The following ZFHX3 variants were observed in gnomAD, a reference collection of about 807,000 sequenced individuals.
ZFHX3 encodes the protein zinc finger homeobox protein 3.
A neutral mutation model predicts 279.1 loss-of-function variants in ZFHX3; 42 were observed. The observed-to-expected ratio is 0.15, with a 90% CI of 0.12 to 0.19. ZFHX3 has a LOEUF of 0.19. Among genes scored for constraint, ZFHX3 ranks in the 10% least tolerant of loss-of-function variants. ZFHX3 has a pLI of 1.00. For missense variants in ZFHX3, 4,981 were observed against 4,754.0 expected (o/e 1.05, Z -1.40); for synonymous variants, 2,293 against 1,957.8 (o/e 1.17, Z -4.52).
chr16:72,900,400 G>A (rs769049632), intron 3 of ZFHX3, among the ~76,000 whole-genome samples: 35 of 152,292 alleles, frequency 2.3e-4, no homozygotes, highest in South Asian at 8.3e-4. Context: ...TGGTCAAAAC[G>A]GGTGTGCTAC....
At chr16:73,572,693 G>A (rs1282038740) in intron 2 of ZFHX3, among the ~76,000 whole-genome samples, 1 of 152,192 alleles carries the variant, frequency 6.6e-6, no homozygotes, top group African/African-American at 2.4e-5. Context: ...GGGATTCGAT[G>A]CCTTGTGCCT....
chr16:73,533,824 T>A (rs1280267651), intron 2 of ZFHX3, among the ~76,000 whole-genome samples: 1 of 152,168 alleles, frequency 6.6e-6, no homozygotes, highest in African/African-American at 2.4e-5. Flanking sequence ...TCAGGAAATC[T>A]TCTTGGTGCT....
intron 2 of ZFHX3, among the ~76,000 whole-genome samples, chr16:72,954,644 C>A (rs770894802): frequency 6.6e-6 from 1 of 152,134 alleles, no homozygotes; most frequent in African/African-American, 2.4e-5. Context: ...ACAGCCACCC[C>A]GACAAGCAAC....
intron 3 of ZFHX3, among the ~76,000 whole-genome samples, chr16:73,348,872 T>G (rs2016170115): frequency 6.6e-6 from 1 of 152,218 alleles, no homozygotes; most frequent in South Asian, 2.1e-4. Context: ...TATGTGCCTA[T>G]GTAGGGAATC....
At chr16:73,020,482 T>C (rs1457209731) in intron 1 of ZFHX3, among the ~76,000 whole-genome samples, 2 of 152,184 alleles carry the variant, frequency 1.3e-5, no homozygotes, top group Non-Finnish European at 1.5e-5. Flanking sequence ...GGCCTCACCA[T>C]ATGGGACAGC....
chr16:73,486,966 G>A (rs576941723), intron 2 of ZFHX3: 13 of 407,560 alleles, frequency 3.2e-5, no homozygotes, highest in Non-Finnish European at 6.4e-5. Context: ...TTATATCTTA[G>A]GTATATATGT....
chr16:73,563,169 GTTGTGT>G (rs1160553311), intron 2 of ZFHX3, among the ~76,000 whole-genome samples: 5 of 108,912 alleles, frequency 4.6e-5, no homozygotes, highest in Admixed American at 1.9e-4. Context: ...TTTTTGTTTT[GTTGTGT>G]GTGTGTGTGT....
intron 1 of ZFHX3, among the ~76,000 whole-genome samples, chr16:73,887,757 A>G (rs7189714): frequency 0.14 from 20,819 of 152,148 alleles, 3,892 homozygotes; most frequent in African/African-American, 0.43. Context: ...TTTTGTTAAT[A>G]AAGTATGTTG....
At chr16:72,947,451 C>A (rs1231268118) in intron 3 of ZFHX3, among the ~76,000 whole-genome samples, 4 of 152,190 alleles carry the variant, frequency 2.6e-5, no homozygotes, top group Non-Finnish European at 5.9e-5. Flanking sequence ...ACAGCAAGGG[C>A]AGTGACTCCG....
chr16:73,087,004 GT>G (rs1223618387), intron 8 of ZFHX3, among the ~76,000 whole-genome samples: 1 of 152,108 alleles, frequency 6.6e-6, no homozygotes, highest in African/African-American at 2.4e-5. Context: ...AATGTTTGAG[GT>G]GACAGGTATC....
intron 5 of ZFHX3, among the ~76,000 whole-genome samples, chr16:73,248,921 G>A (rs1229055330): frequency 1.3e-5 from 2 of 152,102 alleles, no homozygotes; most frequent in African/African-American, 2.4e-5. Context: ...TCCAGTCTGT[G>A]GTCCAAATCT....
chr16:73,544,891 A>T (rs1341477108), intron 2 of ZFHX3, among the ~76,000 whole-genome samples: 1 of 152,166 alleles, frequency 6.6e-6, no homozygotes, highest in Admixed American at 6.5e-5. Flanking sequence ...TCCAAATGAG[A>T]ATAAAAAGAT....
chr16:73,709,040 C>T (rs1014079604), intron 1 of ZFHX3, among the ~76,000 whole-genome samples: 8 of 152,198 alleles, frequency 5.3e-5, no homozygotes, highest in African/African-American at 1.9e-4. Context: ...CATTTCCTGA[C>T]CTTCTTCGGT....
chr16:72,996,344 T>C (rs1346795864), intron 1 of ZFHX3, among the ~76,000 whole-genome samples: 2 of 152,182 alleles, frequency 1.3e-5, no homozygotes, highest in Non-Finnish European at 2.9e-5. Flanking sequence ...TCAGTGTAGA[T>C]ACTTATTTGC....
intron 3 of ZFHX3, 26 bp from the exon 4 acceptor site, chr16:72,889,988 T>C (rs773288613): frequency 7.5e-6 from 12 of 1,599,930 alleles, no homozygotes; most frequent in Non-Finnish European, 9.4e-6. Flanking sequence ...GAGAAAGACA[T>C]GCCTTGGGTA....
chr16:73,375,551 G>A (rs1390569084), intron 3 of ZFHX3, among the ~76,000 whole-genome samples: 1 of 152,002 alleles, frequency 6.6e-6, no homozygotes, highest in Non-Finnish European at 1.5e-5. Flanking sequence ...TATATAACAT[G>A]ATATAACTAT....
At chr16:73,402,992 T>G (rs1158637238) in intron 3 of ZFHX3, among the ~76,000 whole-genome samples, 1 of 151,898 alleles carries the variant, frequency 6.6e-6, no homozygotes, top group Admixed American at 6.6e-5. Context: ...CAGGCTGGAC[T>G]AAAGAACTGG....
chr16:72,973,476 G>A (rs1230386164), intron 1 of ZFHX3: 2 of 152,170 alleles, frequency 1.3e-5, no homozygotes, highest in African/African-American at 4.8e-5. Flanking sequence ...TATCAACTCT[G>A]TTCCCACAAC....
At chr16:73,107,827 CA>C (rs200782986) in intron 7 of ZFHX3, among the ~76,000 whole-genome samples, 2,247 of 152,272 alleles carry the variant, frequency 0.015, 59 homozygotes, top group African/African-American at 0.051. Flanking sequence ...GCAGCCTGAG[CA>C]ACATAGTGAG....
Sources: gnomAD v4.1 joint callset for allele counts (sites outside exome capture counted in the v4.1 genomes callset) on GRCh38, gnomAD v4.1.1 for gene constraint, MANE v1.5 for transcripts, NCBI Gene and HGNC (gene_info 2026-07-23, HGNC 2026-07-21) for gene names.